The following UNC5D variants were observed in gnomAD, a reference collection of about 807,000 sequenced individuals.
UNC5D encodes netrin receptor UNC5D.
In UNC5D, 39 loss-of-function variants were observed where a neutral mutation model predicts 105.4. That is an observed-to-expected ratio of 0.37 (90% CI 0.29 to 0.48). The LOEUF (loss-of-function observed/expected upper bound fraction) is 0.48, where lower values mean the gene tolerates loss of function less well. Ranked by LOEUF, UNC5D falls within the 20% of genes least tolerant of loss-of-function variation. The probability of loss-of-function intolerance (pLI) is 0.98; values close to 1 mark genes in which losing one functional copy is unlikely to be tolerated. For missense variants in UNC5D, 991 were observed against 1,202.4 expected, an observed-to-expected ratio of 0.82 and a Z score of 2.60; for synonymous variants, 452 against 450.4, an observed-to-expected ratio of 1.00 and a Z score of -0.04.
intron 1 of UNC5D, among the ~76,000 whole-genome samples, chr8:35,307,677 C>T (rs1373348670): frequency 6.6e-6 from 1 of 152,156 alleles, no homozygotes; most frequent in African/African-American, 2.4e-5. Flanking sequence ...AATGCATGGT[C>T]ACTTGCAGTG....
At chr8:35,337,772 C>A (rs1464407709) in intron 1 of UNC5D, among the ~76,000 whole-genome samples, 2 of 149,758 alleles carry the variant, frequency 1.3e-5, no homozygotes, top group Non-Finnish European at 3.0e-5. Flanking sequence ...AAAAAAAAAA[C>A]AGATAGCCAA....
intron 13 of UNC5D, 105 bp from the exon 14 acceptor site, chr8:35,759,215 T>C: frequency 2.4e-6 from 3 of 1,273,300 alleles, no homozygotes; most frequent in Admixed American, 2.3e-5. Flanking sequence ...TCTCTGTCCA[T>C]TTGTGGAAGA....
intron 12 of UNC5D, among the ~76,000 whole-genome samples, chr8:35,750,270 C>A (rs1830208030): frequency 6.6e-6 from 1 of 151,472 alleles, no homozygotes. Flanking sequence ...CGACCTGACC[C>A]CTTCCCCGCC....
chr8:35,406,252 A>G (rs1804792554), intron 1 of UNC5D, among the ~76,000 whole-genome samples: 2 of 152,226 alleles, frequency 1.3e-5, no homozygotes, highest in Non-Finnish European at 2.9e-5. Flanking sequence ...AAAGATGACA[A>G]TACTTGGTAA....
chr8:35,627,666 C>T (rs534863227), intron 4 of UNC5D, among the ~76,000 whole-genome samples: 12 of 152,286 alleles, frequency 7.9e-5, no homozygotes, highest in East Asian at 1.9e-4. Context: ...CGGTGGCTCA[C>T]GTCTGTAATC....
chr8:35,773,869 C>G (rs952160431), intron 15 of UNC5D, among the ~76,000 whole-genome samples: 2 of 152,076 alleles, frequency 1.3e-5, no homozygotes, highest in Non-Finnish European at 2.9e-5. Context: ...ATTACAGGCA[C>G]CTGCCACTAT....
chr8:35,479,223 G>A (rs1027483829), intron 1 of UNC5D, among the ~76,000 whole-genome samples: 4 of 152,106 alleles, frequency 2.6e-5, no homozygotes, highest in South Asian at 2.1e-4. Context: ...CTAATAAATC[G>A]TTAGCCATTA....
intron 1 of UNC5D, among the ~76,000 whole-genome samples, chr8:35,340,836 T>G (rs1358004667): frequency 1.3e-5 from 2 of 152,186 alleles, no homozygotes; most frequent in African/African-American, 4.8e-5. Context: ...AAATCTAATG[T>G]TATATGGGTG....
intron 1 of UNC5D, among the ~76,000 whole-genome samples, chr8:35,283,733 G>A (rs1806374240): frequency 6.6e-6 from 1 of 151,942 alleles, no homozygotes; most frequent in African/African-American, 2.4e-5. Flanking sequence ...GAACCCAGAA[G>A]GTGGAGGTTG....
At chr8:35,337,604 T>C (rs1003749354) in intron 1 of UNC5D, among the ~76,000 whole-genome samples, 1 of 152,206 alleles carries the variant, frequency 6.6e-6, no homozygotes, top group African/African-American at 2.4e-5. Flanking sequence ...AGCATTCTAC[T>C]GTGGTATGAA....
At chr8:35,602,303 C>T (rs1045501454) in intron 4 of UNC5D, among the ~76,000 whole-genome samples, 1 of 152,254 alleles carries the variant, frequency 6.6e-6, no homozygotes, top group East Asian at 1.9e-4. Context: ...CAGGATGATG[C>T]TGGCCTCATA....
At chr8:35,305,130 G>C (rs2950894) in intron 1 of UNC5D, among the ~76,000 whole-genome samples, 1 of 152,010 alleles carries the variant, frequency 6.6e-6, no homozygotes, top group African/African-American at 2.4e-5. Context: ...TTATGATAGC[G>C]GTCATCAAAT....
At chr8:35,593,107 C>T (rs955292842) in intron 3 of UNC5D, among the ~76,000 whole-genome samples, 9 of 149,804 alleles carry the variant, frequency 6.0e-5, no homozygotes, top group Non-Finnish European at 1.2e-4. Context: ...ATTATACAAA[C>T]GTGTATAAAT....
chr8:35,335,153 T>C (rs1235300206), intron 1 of UNC5D, among the ~76,000 whole-genome samples: 1 of 152,236 alleles, frequency 6.6e-6, no homozygotes. Flanking sequence ...ATATATTGTA[T>C]ATGTATGCAA....
chr8:35,495,478 A>G (rs977895541), intron 1 of UNC5D, among the ~76,000 whole-genome samples: 2 of 151,214 alleles, frequency 1.3e-5, no homozygotes, highest in African/African-American at 4.9e-5. Context: ...AAAAAAAAAA[A>G]AAAGCAAAAA....
chr8:35,700,488 C>A (rs762826218), intron 7 of UNC5D, among the ~76,000 whole-genome samples: 1 of 151,688 alleles, frequency 6.6e-6, no homozygotes, highest in Non-Finnish European at 1.5e-5. Context: ...GTTTTAGTGA[C>A]TATAAGTTAG....
chr8:35,346,574 TA>T (rs1330321060), intron 1 of UNC5D, among the ~76,000 whole-genome samples: 30 of 152,032 alleles, frequency 2.0e-4, no homozygotes, highest in African/African-American at 6.0e-4. Flanking sequence ...CATGAAATTA[TA>T]TTTATGCATT....
chr8:35,534,244 C>T (rs771150294), intron 1 of UNC5D, among the ~76,000 whole-genome samples: 1 of 152,086 alleles, frequency 6.6e-6, no homozygotes, highest in Non-Finnish European at 1.5e-5. Flanking sequence ...ATGAGCAACT[C>T]GTAATGCTGT....
At chr8:35,552,033 A>C (rs952437419) in intron 2 of UNC5D, among the ~76,000 whole-genome samples, 1 of 152,212 alleles carries the variant, frequency 6.6e-6, no homozygotes, top group African/African-American at 2.4e-5. Flanking sequence ...GTATAAATTC[A>C]AAACTCCAAA....
Sources: allele counts gnomAD v4.1 joint callset (sites outside exome capture counted in the v4.1 genomes callset), GRCh38; gene constraint gnomAD v4.1.1; transcripts MANE v1.5; gene names NCBI Gene and HGNC (gene_info 2026-07-23, HGNC 2026-07-21).